MAP2: variants seen among roughly 807,000 people sequenced by gnomAD.
MAP2 encodes microtubule-associated protein 2.
In MAP2, 14 loss-of-function variants were observed where a neutral mutation model predicts 137.6. The ratio of observed to expected loss-of-function variants is 0.10; its 90% CI spans 0.07 to 0.16. The LOEUF is 0.16. Among genes scored for constraint, MAP2 ranks in the 10% least tolerant of loss-of-function variants. The probability of loss-of-function intolerance (pLI) is 1.00; values close to 1 mark genes in which losing one functional copy is unlikely to be tolerated. For synonymous variants in MAP2, 786 were observed against 782.3 expected, an observed-to-expected ratio of 1.00 and a Z score of -0.08; for missense variants, 2,088 against 2,191.5, an observed-to-expected ratio of 0.95 and a Z score of 0.94.
chr2:209,707,609 A>G (rs1353647598), intron 12 of MAP2, among the ~76,000 whole-genome samples: 2 of 152,196 alleles, frequency 1.3e-5, no homozygotes, highest in African/African-American at 4.8e-5. Context: ...ATTAACTTGT[A>G]AAGAAATATC....
At chr2:209,558,279 C>T (rs1329725165) in intron 2 of MAP2, among the ~76,000 whole-genome samples, 1 of 152,142 alleles carries the variant, frequency 6.6e-6, no homozygotes, top group Non-Finnish European at 1.5e-5. Context: ...ACATCTGCCT[C>T]CTGGGTTCAA....
chr2:209,468,290 A>T (rs575227509), intron 1 of MAP2, among the ~76,000 whole-genome samples: 33 of 138,612 alleles, frequency 2.4e-4, no homozygotes, highest in Middle Eastern at 4.0e-3. Flanking sequence ...AAAAAGTCTC[A>T]TGGAGGATTT....
intron 2 of MAP2, among the ~76,000 whole-genome samples, chr2:209,541,289 C>T (rs990007422): frequency 4.0e-5 from 6 of 151,176 alleles, no homozygotes; most frequent in Admixed American, 2.0e-4. Context: ...CTCGGCCTCC[C>T]GAAGTGCTGG....
At chr2:209,458,092 T>C (rs1701963722) in intron 1 of MAP2, among the ~76,000 whole-genome samples, 1 of 152,172 alleles carries the variant, frequency 6.6e-6, no homozygotes, top group Admixed American at 6.6e-5. Context: ...TTTTTTTACT[T>C]TGGCAGAACT....
intron 2 of MAP2, among the ~76,000 whole-genome samples, chr2:209,558,051 T>C (rs932860088): frequency 2.0e-5 from 3 of 152,226 alleles, no homozygotes; most frequent in Non-Finnish European, 4.4e-5. Flanking sequence ...TATCTGTGTG[T>C]ACTTCACTAG....
intron 1 of MAP2, among the ~76,000 whole-genome samples, chr2:209,427,907 A>C (rs571691035): frequency 6.6e-6 from 1 of 152,320 alleles, no homozygotes; most frequent in East Asian, 1.9e-4. Context: ...AAAGCTGTCC[A>C]TGTAGGGTAG....
At chr2:209,684,172 G>C (rs2056055853) in intron 7 of MAP2, among the ~76,000 whole-genome samples, 1 of 152,164 alleles carries the variant, frequency 6.6e-6, no homozygotes, top group African/African-American at 2.4e-5. Flanking sequence ...TTTGGACTGA[G>C]CTATTAGAAT....
chr2:209,624,997 G>T (rs562134936), intron 3 of MAP2, 56 bp from the exon 4 acceptor site: 4 of 152,268 alleles, frequency 2.6e-5, no homozygotes, highest in Admixed American at 2.6e-4. Context: ...GCTACTTGAT[G>T]TGATTAATGT....
At position 209,434,837 on chromosome 2, in the gene MAP2, A is replaced by ATATATATATGT. The variant is rs1695305429; in HGVS notation, c.-222+10570_-222+10571insGTTATATATAT. Among the ~76,000 whole-genome samples, 79 of 102,598 alleles carry ATATATATATGT rather than the reference A, an allele frequency of 7.7e-4. 2 individuals carry two copies. Among genetic ancestry groups the ATATATATATGT allele is most frequent in the African/African-American group, 3.8e-3 (70 of 18,286 alleles). 67.3% of individuals were successfully genotyped at this position (102,598 alleles called of 152,430 possible). A position where few individuals can be genotyped will look rare whatever the true frequency, so the allele number is the denominator to read the frequency against. ...ATCCTCTCTCTCTCTCTCTCTCTAT[A>ATATATATATGT]TATATATATATGTTATATATATATG... On this transcript the variant is annotated intron_variant, in intron 1 of 15. Transcript: ENST00000682079.
chr2:209,540,588 G>A (rs528572268), intron 2 of MAP2, among the ~76,000 whole-genome samples: 3 of 110,006 alleles, frequency 2.7e-5, no homozygotes, highest in African/African-American at 4.1e-5. Context: ...CTGAGATCGC[G>A]CCATTGCACT....
intron 3 of MAP2, among the ~76,000 whole-genome samples, chr2:209,587,044 A>T (rs1014413053): frequency 6.6e-6 from 1 of 152,084 alleles, no homozygotes; most frequent in Non-Finnish European, 1.5e-5. Context: ...CCCATTCTCA[A>T]TGCTTATTAT....
intron 4 of MAP2, among the ~76,000 whole-genome samples, chr2:209,637,629 C>T (rs2153567359): frequency 6.6e-6 from 1 of 152,232 alleles, no homozygotes; most frequent in East Asian, 1.9e-4. Context: ...AGTAATACTT[C>T]TAACCTAACC....
intron 1 of MAP2, among the ~76,000 whole-genome samples, chr2:209,455,317 A>G (rs1701290495): frequency 6.6e-6 from 1 of 152,224 alleles, no homozygotes; most frequent in South Asian, 2.1e-4. Context: ...ATAGTAAGTA[A>G]TAAAGTTAGA....
chr2:209,560,553 C>G (rs1297092741), intron 2 of MAP2, among the ~76,000 whole-genome samples: 2 of 150,870 alleles, frequency 1.3e-5, no homozygotes, highest in African/African-American at 4.9e-5. Context: ...GCTCATGGCC[C>G]TCTGCAGGCT....
intron 1 of MAP2, among the ~76,000 whole-genome samples, chr2:209,430,554 T>G (rs1291687730): frequency 6.6e-6 from 1 of 152,182 alleles, no homozygotes; most frequent in Non-Finnish European, 1.5e-5. Flanking sequence ...CAAATTAGAT[T>G]AATATTAAAG....
intron 2 of MAP2, among the ~76,000 whole-genome samples, chr2:209,575,317 C>A (rs549313405): frequency 1.3e-5 from 2 of 151,894 alleles, no homozygotes; most frequent in East Asian, 1.9e-4. Flanking sequence ...GTCAGAAGAT[C>A]GAGACCATCC....
At chr2:209,538,899 T>C (rs1027881791) in intron 2 of MAP2, among the ~76,000 whole-genome samples, 1 of 152,158 alleles carries the variant, frequency 6.6e-6, no homozygotes, top group African/African-American at 2.4e-5. Context: ...GCTTTTAAGT[T>C]AGGGAAAAAT....
chr2:209,647,554 A>G (rs2094495312), intron 4 of MAP2, among the ~76,000 whole-genome samples: 1 of 152,332 alleles, frequency 6.6e-6, no homozygotes, highest in South Asian at 2.1e-4. Context: ...ATACTATGAT[A>G]CAGCTTAAAT....
intron 13 of MAP2, chr2:209,723,510 C>T: frequency 1.3e-6 from 1 of 772,622 alleles, no homozygotes; most frequent in Non-Finnish European, 2.4e-6. Flanking sequence ...AATCTAAAGC[C>T]TCTTTGATGC....
Sources: gnomAD v4.1 joint callset for allele counts (sites outside exome capture counted in the v4.1 genomes callset) on GRCh38, gnomAD v4.1.1 for gene constraint, MANE v1.5 for transcripts, NCBI Gene and HGNC (gene_info 2026-07-23, HGNC 2026-07-21) for gene names.